KATNAL1: variants seen among roughly 807,000 people sequenced by gnomAD.
KATNAL1 encodes the protein katanin catalytic subunit A1 like 1.
Under a neutral mutation model 55.2 loss-of-function variants are expected in KATNAL1, and 32 were observed. That is an observed-to-expected ratio of 0.58 (90% CI 0.44 to 0.78). The LOEUF (loss-of-function observed/expected upper bound fraction) is 0.78, where lower values mean the gene tolerates loss of function less well. Ranked by LOEUF, KATNAL1 falls within the 30% of genes least tolerant of loss-of-function variation. The pLI is 0.00. For synonymous variants in KATNAL1, 193 were observed against 193.6 expected (o/e 1.00, Z 0.02); for missense variants, 466 against 600.9 (o/e 0.78, Z 2.35).
chr13:30,242,655 AG>A (rs1410371990), intron 4 of KATNAL1, among the ~76,000 whole-genome samples: 1 of 152,138 alleles, frequency 6.6e-6, no homozygotes, highest in East Asian at 1.9e-4. Flanking sequence ...GCTCCTATAG[AG>A]GACGGGGTAG....
At chr13:30,279,532 G>A (rs1881114923) in intron 3 of KATNAL1, among the ~76,000 whole-genome samples, 1 of 152,174 alleles carries the variant, frequency 6.6e-6, no homozygotes, top group Non-Finnish European at 1.5e-5. Flanking sequence ...CAAAAAGAGA[G>A]AGGTTTAACG....
At position 30,307,393 on chromosome 13, in the gene KATNAL1, A is replaced by C. The variant is rs1247007244; in HGVS notation, c.-77T>G. 6.7e-6 allele frequency: 1 copy of C among 150,070 alleles called. No homozygotes were observed. Among genetic ancestry groups the C allele is most frequent in the African/African-American group, 2.5e-5 (1 of 40,408 alleles). 9.3% of individuals were successfully genotyped at this position (150,070 alleles called of 1,614,324 possible). ...TCCAGATGGGGTGCGGGTGGGGCGC[A>C]GGCCGCCGCCGCCGCCGCCGCCGAG... On this transcript the variant is annotated 5_prime_UTR_variant, in exon 1 of 11. Coordinates refer to ENST00000380615, the MANE Select transcript of KATNAL1 (RefSeq NM_032116.5).
chr13:30,299,150 G>A (rs1882710639), intron 1 of KATNAL1, among the ~76,000 whole-genome samples: 1 of 152,072 alleles, frequency 6.6e-6, no homozygotes, highest in South Asian at 2.1e-4. Context: ...TAGGGGGTTG[G>A]CAACCTAGAA....
chr13:30,229,395 C>T (rs1875850547), intron 8 of KATNAL1, among the ~76,000 whole-genome samples: 2 of 152,102 alleles, frequency 1.3e-5, no homozygotes, highest in Non-Finnish European at 2.9e-5. Flanking sequence ...GGTTCTCAAA[C>T]TTTTTGATCT....
intron 2 of KATNAL1, among the ~76,000 whole-genome samples, chr13:30,280,908 G>A (rs1454888124): frequency 6.6e-6 from 1 of 151,940 alleles, no homozygotes; most frequent in Non-Finnish European, 1.5e-5. Context: ...ATTTTCCAAA[G>A]CAAACAGATA....
intron 1 of KATNAL1, among the ~76,000 whole-genome samples, chr13:30,306,336 C>T (rs1304790532): frequency 2.0e-5 from 3 of 151,954 alleles, no homozygotes; most frequent in Non-Finnish European, 2.9e-5. Flanking sequence ...TTCTGAATAA[C>T]ACTGGAATAA....
At chr13:30,215,609 G>A (rs1022521291) in intron 9 of KATNAL1, among the ~76,000 whole-genome samples, 4 of 152,192 alleles carry the variant, frequency 2.6e-5, no homozygotes, top group Non-Finnish European at 5.9e-5. Context: ...AAAATGATGA[G>A]TTCATGTCCT....
At chr13:30,236,082 G>A (rs1418512363) in intron 6 of KATNAL1, among the ~76,000 whole-genome samples, 1 of 152,138 alleles carries the variant, frequency 6.6e-6, no homozygotes, top group African/African-American at 2.4e-5. Context: ...GGAAAAGGAG[G>A]GGCTGTCTTG....
At chr13:30,228,585 A>G (rs1302069209) in intron 8 of KATNAL1, among the ~76,000 whole-genome samples, 2 of 152,240 alleles carry the variant, frequency 1.3e-5, no homozygotes, top group Non-Finnish European at 2.9e-5. Flanking sequence ...CCCCACTTCA[A>G]AAATAAAACA....
At chr13:30,223,187 C>T (rs531433620) in intron 9 of KATNAL1, among the ~76,000 whole-genome samples, 19 of 152,054 alleles carry the variant, frequency 1.2e-4, no homozygotes, top group Non-Finnish European at 2.4e-4. Context: ...CACCTGTAAT[C>T]CCAGCACTTC....
At position 30,218,205 on chromosome 13, in the gene KATNAL1, A is replaced by AATATATAT. The variant is rs34056263; in HGVS notation, c.1148-7771_1148-7764dup. Reference sequence around the variant, plus strand: ...TAAGATGTGAACTTGCAGTAAAAGGAATATATATATATATATATATATAAA... The same window carrying AATATATAT: ...TAAGATGTGAACTTGCAGTAAAAGGAATATATATATATATATATATATATATATATAAA... On this transcript the variant is annotated intron_variant, in intron 9 of 10. Coordinates refer to ENST00000380615, the MANE Select transcript of KATNAL1 (RefSeq NM_032116.5). Among the ~76,000 whole-genome samples the AATATATAT allele has an allele frequency of 5.3e-3, 743 of 139,494 alleles. 3 individuals are homozygous for AATATATAT. Among genetic ancestry groups the AATATATAT allele is most frequent in the African/African-American group, 0.011 (396 of 37,636 alleles). 91.5% of individuals were successfully genotyped at this position (139,494 alleles called of 152,430 possible). A position where few individuals can be genotyped will look rare whatever the true frequency, so the allele number is the denominator to read the frequency against.
At position 30,254,464 on chromosome 13, in the gene KATNAL1, C is replaced by T. The variant is rs1209722159; in HGVS notation, c.492+983G>A. 2.0e-5 allele frequency among the ~76,000 whole-genome samples: 3 copies of T among 152,104 alleles called. No homozygotes were observed. In the East Asian group the frequency reaches 5.8e-4, roughly 29 times the overall value. On this transcript the variant is annotated intron_variant, in intron 4 of 10. Transcript: ENST00000380615. ...GAGGTAGAATATGTCTTTGAACTATCTCATAAATAGAAATATTCAGAAAAC... is the reference window on the plus strand; with the variant it reads ...GAGGTAGAATATGTCTTTGAACTATTTCATAAATAGAAATATTCAGAAAAC...
intron 4 of KATNAL1, among the ~76,000 whole-genome samples, chr13:30,249,606 C>T (rs1878113991): frequency 6.6e-6 from 1 of 152,024 alleles, no homozygotes; most frequent in African/African-American, 2.4e-5. Context: ...CACAAATACA[C>T]CTTGAACAAA....
chr13:30,291,052 C>T (rs931212002), intron 1 of KATNAL1, among the ~76,000 whole-genome samples: 1 of 152,150 alleles, frequency 6.6e-6, no homozygotes, highest in African/African-American at 2.4e-5. Flanking sequence ...AGGATATTTG[C>T]TCTCACCCCT....
At chr13:30,274,949 A>ACACC (rs1880728551) in intron 3 of KATNAL1, among the ~76,000 whole-genome samples, 2 of 148,844 alleles carry the variant, frequency 1.3e-5, no homozygotes, top group African/African-American at 5.1e-5. Flanking sequence ...ACACACACAC[A>ACACC]CACAGGAATA....
At chr13:30,252,788 G>A (rs371545697) in intron 4 of KATNAL1, among the ~76,000 whole-genome samples, 33 of 150,964 alleles carry the variant, frequency 2.2e-4, no homozygotes, top group Middle Eastern at 3.4e-3. Context: ...TGTTGCCCAA[G>A]CTGGAGTGCA....
At chr13:30,238,086 G>T (rs1876872574) in intron 6 of KATNAL1, among the ~76,000 whole-genome samples, 1 of 152,106 alleles carries the variant, frequency 6.6e-6, no homozygotes, top group African/African-American at 2.4e-5. Flanking sequence ...CAACCAGGTT[G>T]TTTTTCCCAA....
intron 9 of KATNAL1, among the ~76,000 whole-genome samples, chr13:30,217,594 G>A (rs527727746): frequency 1.7e-4 from 26 of 152,258 alleles, no homozygotes; most frequent in Middle Eastern, 3.4e-3. Flanking sequence ...AATGTTGTTA[G>A]AGGAATCATA....
chr13:30,289,142 A>G (rs529688822), intron 1 of KATNAL1, among the ~76,000 whole-genome samples: 2 of 152,316 alleles, frequency 1.3e-5, no homozygotes, highest in East Asian at 3.9e-4. Context: ...TACACACACT[A>G]TTCATTAAGA....
Sources: gnomAD v4.1 joint callset for allele counts (sites outside exome capture counted in the v4.1 genomes callset) on GRCh38, gnomAD v4.1.1 for gene constraint, MANE v1.5 for transcripts, NCBI Gene and HGNC (gene_info 2026-07-23, HGNC 2026-07-21) for gene names.